The following ARHGAP26 variants were observed in gnomAD, a reference collection of about 807,000 sequenced individuals.
ARHGAP26 encodes the protein rho GTPase-activating protein 26.
In ARHGAP26, 38 loss-of-function variants were observed where a neutral mutation model predicts 104.8. The ratio of observed to expected loss-of-function variants is 0.36; its 90% CI spans 0.28 to 0.48. ARHGAP26 has a LOEUF of 0.48. ARHGAP26 is among the 20% of genes least tolerant of loss of function. ARHGAP26 has a pLI of 0.99. For missense variants in ARHGAP26, 704 were observed against 947.9 expected, an observed-to-expected ratio of 0.74 and a Z score of 3.38; for synonymous variants, 341 against 340.0, an observed-to-expected ratio of 1.00 and a Z score of -0.03.
At chr5:143,213,425 G>A (rs1327673496) in intron 21 of ARHGAP26, among the ~76,000 whole-genome samples, 2 of 63,206 alleles carry the variant, frequency 3.2e-5, no homozygotes, top group Non-Finnish European at 5.7e-5. Context: ...TCCCTCCCCT[G>A]GGGGTTGGAG....
intron 12 of ARHGAP26, among the ~76,000 whole-genome samples, chr5:143,032,872 A>G (rs185407523): frequency 1.0e-3 from 157 of 152,022 alleles, no homozygotes; most frequent in Non-Finnish European, 1.8e-3. Context: ...AGAAGAGACA[A>G]AGAGAGATGG....
intron 20 of ARHGAP26, among the ~76,000 whole-genome samples, chr5:143,175,540 C>CT (rs932426488): frequency 0.014 from 1,991 of 147,146 alleles, 47 homozygotes; most frequent in African/African-American, 0.045. Context: ...AAATGGTACA[C>CT]TTTTTTTTTT....
Position 142,940,437 on chromosome 5 carries a change from C to G in ARHGAP26, c.1107+8312C>G, listed in dbSNP as rs941452690. ...GTCACCCAGGTACTAAGCCTAGTACCCAATAATTACTTTTCCTGATCCTCT... is the reference window on the plus strand; with the variant it reads ...GTCACCCAGGTACTAAGCCTAGTACGCAATAATTACTTTTCCTGATCCTCT... On this transcript the variant is annotated intron_variant, in intron 11 of 22. Coordinates refer to ENST00000645722, the MANE Select transcript of ARHGAP26 (RefSeq NM_001135608.3). Among the ~76,000 whole-genome samples, 9 of 151,894 alleles carry G rather than the reference C, an allele frequency of 5.9e-5. No homozygotes were observed. The South Asian group carries it at 1.9e-3, about 32-fold the overall frequency.
chr5:143,009,965 T>C (rs1480817967), intron 11 of ARHGAP26, among the ~76,000 whole-genome samples: 1 of 152,200 alleles, frequency 6.6e-6, no homozygotes. Context: ...GTAGATGCTC[T>C]CAAGAGGCTT....
At chr5:142,885,464 C>A in intron 5 of ARHGAP26, 65 bp downstream of exon 5, 1 of 1,418,210 alleles carries the variant, frequency 7.1e-7, no homozygotes, top group Non-Finnish European at 9.8e-7. Context: ...TGGATATGTG[C>A]TGGTTGCTCT....
At chr5:143,195,925 A>T (rs920471608) in intron 20 of ARHGAP26, among the ~76,000 whole-genome samples, 1 of 152,006 alleles carries the variant, frequency 6.6e-6, no homozygotes, top group African/African-American at 2.4e-5. Flanking sequence ...GATATAGGGG[A>T]ATTCTGTACT....
At chr5:142,955,885 T>C (rs2152634747) in intron 11 of ARHGAP26, among the ~76,000 whole-genome samples, 1 of 152,344 alleles carries the variant, frequency 6.6e-6, no homozygotes, top group East Asian at 1.9e-4. Context: ...CTTGTGAAGC[T>C]TTATGCTTAC....
intron 20 of ARHGAP26, among the ~76,000 whole-genome samples, chr5:143,187,054 C>T (rs539595169): frequency 2.7e-4 from 41 of 152,266 alleles, no homozygotes; most frequent in African/African-American, 9.4e-4. Context: ...CACTATATGC[C>T]AGGCTTTAAT....
intron 6 of ARHGAP26, 130 bp downstream of exon 6, chr5:142,894,478 G>A (rs1362819350): frequency 1.3e-6 from 1 of 799,328 alleles, no homozygotes; most frequent in African/African-American, 1.7e-5. Context: ...CCTTCTGTAA[G>A]TATCAGTGCT....
chr5:143,140,564 C>T (rs991670903), intron 19 of ARHGAP26, among the ~76,000 whole-genome samples: 15 of 152,308 alleles, frequency 9.8e-5, no homozygotes, highest in African/African-American at 2.6e-4. Flanking sequence ...ATTATCATCA[C>T]GCTGTAGTTG....
At chr5:142,915,385 G>GTC in intron 10 of ARHGAP26, among the ~76,000 whole-genome samples, 1 of 149,430 alleles carries the variant, frequency 6.7e-6, no homozygotes, top group South Asian at 2.1e-4. Flanking sequence ...TTGAGATGGA[G>GTC]TCTTGCTCTG....
intron 1 of ARHGAP26, among the ~76,000 whole-genome samples, chr5:142,812,925 T>C (rs1003618427): frequency 2.0e-5 from 3 of 148,992 alleles, no homozygotes; most frequent in Admixed American, 6.7e-5. Flanking sequence ...TAATTTCTTT[T>C]TCTTTTTTTT....
In ARHGAP26 at chr5:143,173,833, C is replaced by T. The variant is rs74874436; in HGVS notation, c.1988+26452C>T. Among the ~76,000 whole-genome samples the T allele has an allele frequency of 1.7e-3, 264 of 152,256 alleles. 9 individuals carry two copies. The East Asian group carries it at 0.045, about 26-fold the overall frequency. ...TGACCTAGACTGCACCCTAGGCTTCCCTATACCTAAAAAATTTACCCTGAA... is the reference window on the plus strand; with the variant it reads ...TGACCTAGACTGCACCCTAGGCTTCTCTATACCTAAAAAATTTACCCTGAA... On this transcript the variant is annotated intron_variant, in intron 20 of 22. Coordinates refer to ENST00000645722, the MANE Select transcript of ARHGAP26 (RefSeq NM_001135608.3).
rs146235085 is a variant in ARHGAP26 at position 143,043,517 on chromosome 5, G to A, written c.1285+1627G>A. On this transcript the variant is annotated intron_variant, in intron 14 of 22. Transcript: ENST00000645722. The stretch of plus-strand genomic sequence containing the variant: ...AAGCTTCTATAAATTTTCATATATA[G>A]TTTCTGTGTGAGCATATATTTGTTC... 6.2e-3 allele frequency among the ~76,000 whole-genome samples: 944 copies of A among 152,270 alleles called. 10 individuals carry two copies. Among genetic ancestry groups the A allele is most frequent in the Middle Eastern group, 0.024 (7 of 294 alleles).
chr5:142,965,484 G>T (rs1203277832), intron 11 of ARHGAP26, among the ~76,000 whole-genome samples: 2 of 152,240 alleles, frequency 1.3e-5, no homozygotes, highest in African/African-American at 4.8e-5. Flanking sequence ...TGGTGGCCCT[G>T]TCCGGGCATA....
chr5:143,105,302 G>A (rs1056920949), intron 17 of ARHGAP26, among the ~76,000 whole-genome samples: 8 of 151,938 alleles, frequency 5.3e-5, no homozygotes, highest in Non-Finnish European at 8.8e-5. Flanking sequence ...GCTTGAACCC[G>A]GGAGGCGGAG....
At chr5:142,967,266 T>C (rs1771525990) in intron 11 of ARHGAP26, among the ~76,000 whole-genome samples, 1 of 152,188 alleles carries the variant, frequency 6.6e-6, no homozygotes, top group Non-Finnish European at 1.5e-5. Context: ...TCTGGTTGTA[T>C]AGAGAAGTCA....
intron 1 of ARHGAP26, among the ~76,000 whole-genome samples, chr5:142,806,495 G>C (rs905258872): frequency 2.0e-5 from 3 of 152,118 alleles, no homozygotes; most frequent in African/African-American, 7.2e-5. Flanking sequence ...GTGTGTGTGT[G>C]TGTGTGTGTG....
rs115480376 is a variant in ARHGAP26 at position 143,119,643 on chromosome 5, G to A, written c.1539-1345G>A. Among the ~76,000 whole-genome samples, 1,103 of 152,162 alleles carry A rather than the reference G, an allele frequency of 7.2e-3. 13 individuals carry two copies. The highest frequency in any genetic ancestry group is 0.025 in the African/African-American group (1,058 of 41,506). On this transcript the variant is annotated intron_variant, in intron 17 of 22. Coordinates refer to ENST00000645722, the MANE Select transcript of ARHGAP26 (RefSeq NM_001135608.3). Reference sequence around the variant, plus strand: ...TATTCTTTATGTGGACCAGAAACAGGCCACTCTCCCTGCTGCAGGTGTTGC... The same window carrying A: ...TATTCTTTATGTGGACCAGAAACAGACCACTCTCCCTGCTGCAGGTGTTGC...
Sources: gnomAD v4.1 joint callset for allele counts (sites outside exome capture counted in the v4.1 genomes callset) on GRCh38, gnomAD v4.1.1 for gene constraint, MANE v1.5 for transcripts, NCBI Gene and HGNC (gene_info 2026-07-23, HGNC 2026-07-21) for gene names.